Variants in RP1L1 observed in about 807,000 individuals in gnomAD.
RP1L1 encodes the protein retinitis pigmentosa 1-like 1 protein.
In RP1L1, 27 loss-of-function variants were observed where a neutral mutation model predicts 15.7. The ratio of observed to expected loss-of-function variants is 1.72; its 90% CI spans 1.27 to 2.38. The LOEUF (loss-of-function observed/expected upper bound fraction) is 2.38. RP1L1 is among the 30% of genes most tolerant of loss of function. The pLI is 0.00. For missense variants in RP1L1, 4,798 were observed against 3,075.9 expected, an observed-to-expected ratio of 1.56 and a Z score of -13.24; for synonymous variants, 1,813 against 1,276.7, an observed-to-expected ratio of 1.42 and a Z score of -8.96.
intron 1 of RP1L1, among the ~76,000 whole-genome samples, chr8:10,633,862 T>C (rs1798289625): frequency 6.6e-6 from 1 of 152,182 alleles, no homozygotes; most frequent in Non-Finnish European, 1.5e-5. Context: ...ATGCATGAAT[T>C]ATATCCCTTT....
In RP1L1 at chr8:10,612,025, C is replaced by G; in HGVS notation, c.2073G>C (p.Glu691Asp). Residue 691 changes from glutamate (E) to aspartate (D), a missense_variant, in exon 4 of 4, where the codon GAG (glutamate) becomes GAC (aspartate). Glu to Asp is a conservative substitution (Grantham distance 45). Transcript: ENST00000382483. ...SVTKQVPRPP[E>D]RRRACQDGSV... ...AGCCATCCTGGCAGGCCCTTCGCCG[C>G]TCAGGAGGCCTCGGCACTTGCTTGG... 1 of 1,613,904 alleles carries G rather than the reference C, an allele frequency of 6.2e-7. No individual in the cohort carries two copies. Among genetic ancestry groups the G allele is most frequent in the South Asian group, 1.1e-5 (1 of 91,086 alleles).
At chr8:10,649,248 A>G (rs1798524285) in intron 1 of RP1L1, among the ~76,000 whole-genome samples, 1 of 152,132 alleles carries the variant, frequency 6.6e-6, no homozygotes, top group Non-Finnish European at 1.5e-5. Context: ...CTCCTCATCC[A>G]CTTGCTGACC....
chr8:10,608,403 C>G lies in RP1L1; in HGVS notation c.5695G>C (p.Val1899Leu). 1 of 1,608,474 alleles carries G rather than the reference C, an allele frequency of 6.2e-7. No individual in the cohort carries two copies. Among genetic ancestry groups the G allele is most frequent in the South Asian group, 1.1e-5 (1 of 90,826 alleles). The change falls in exon 4 of 4, where the codon GTC (valine) becomes CTC (leucine). Residue 1899 changes from valine to leucine, a missense_variant. Transcript: ENST00000382483. ...TCTGCACCTTCTGACTCTGGCTGGA[C>G]CTCCCATTCTGCCTCTGGGGTCTCT... ...DVETPEAEWE[V>L]QPESEGAEAP...
rs370826846 is a variant in RP1L1, at chr8:10,623,129, G to A, written c.73C>T (p.Pro25Ser). 7.5e-6 allele frequency: 12 copies of A among 1,610,382 alleles called. No individual in the cohort carries two copies. Among genetic ancestry groups the A allele is most frequent in the Admixed American group, 5.0e-5 (3 of 59,842 alleles). The change falls in exon 2 of 4, where the codon CCC becomes TCC. Residue 25 changes from proline (P) to serine (S), a missense_variant. Physicochemically the swap from Pro to Ser is moderately conservative, Grantham distance 74. Transcript: ENST00000382483. ...GCTGGCGTGACCTTGGTGACCGAGG[G>A]GGTGCGAGCCACAGAGGGCAGGAAG... ...ECFLPSVART[P>S]SVTKVTPAKK...
intron 2 of RP1L1, among the ~76,000 whole-genome samples, chr8:10,622,084 G>A (rs1400153770): frequency 6.6e-6 from 1 of 152,096 alleles, no homozygotes; most frequent in Non-Finnish European, 1.5e-5. Context: ...CACTTTGGGA[G>A]GCCGAATCGG....
intron 1 of RP1L1, among the ~76,000 whole-genome samples, chr8:10,644,405 G>C (rs1798447539): frequency 6.6e-6 from 1 of 152,176 alleles, no homozygotes; most frequent in Non-Finnish European, 1.5e-5. Context: ...GACCTTCTGG[G>C]CTGGGCTGGT....
chr8:10,616,610 C>A, intron 2 of RP1L1, 23 bp from the exon 3 acceptor site: 1 of 1,603,248 alleles, frequency 6.2e-7, no homozygotes, highest in South Asian at 1.1e-5. Context: ...CGGGCGGGGT[C>A]AGGAGGCCTG....
At chr8:10,636,873 G>A (rs1213826716) in intron 1 of RP1L1, among the ~76,000 whole-genome samples, 2 of 152,192 alleles carry the variant, frequency 1.3e-5, no homozygotes, top group Non-Finnish European at 2.9e-5. Flanking sequence ...CAGGTCACCT[G>A]GATGGAACTG....
chr8:10,646,772 C>T (rs1019775139), intron 1 of RP1L1, among the ~76,000 whole-genome samples: 1 of 152,236 alleles, frequency 6.6e-6, no homozygotes, highest in African/African-American at 2.4e-5. Context: ...ACTGACTTAT[C>T]TGCTCCACGC....
In RP1L1 at chr8:10,612,403, C is replaced by T; in HGVS notation, c.1695G>A (p.Gln565=). 1 of 1,612,778 alleles carries T rather than the reference C, an allele frequency of 6.2e-7. No individual in the cohort carries two copies. Among genetic ancestry groups the T allele is most frequent in the Non-Finnish European group, 8.5e-7 (1 of 1,180,034 alleles). The change falls in exon 4 of 4, where the codon CAG becomes CAA. Residue 565 remains glutamine (Q), a synonymous_variant. Transcript: ENST00000382483. Reference sequence around the variant, plus strand: ...GGTCGCCTCCCTCGCTGGCCTCCTGCTGAGAGGTCTCGGCCCTTGCCTTGC... The same window carrying T: ...GGTCGCCTCCCTCGCTGGCCTCCTGTTGAGAGGTCTCGGCCCTTGCCTTGC... ...CPGKARAETS[Q]QEASEGGDPA... is the part of the protein sequence containing the mutation.
In RP1L1 at chr8:10,607,980, C is replaced by A. The variant is rs201774530; in HGVS notation, c.6118G>T (p.Glu2040Ter). 4.6e-5 allele frequency: 74 copies of A among 1,613,154 alleles called. 1 individual carries two copies. The highest frequency in any genetic ancestry group is 1.6e-4 in the Middle Eastern group (1 of 6,076). ...EGEEAQEVEG[E>*]TQKTEGDAQP... ...GCATCCCCTTCTGTCTTCTGGGTCT[C>A]CCCTTCAACCTCCTGGGCCTCTTCA... Residue 2040 changes from glutamate (E) to a stop codon, truncating the protein, a stop_gained, in exon 4 of 4, where the codon GAG (glutamate) becomes TAG (stop). Coordinates refer to ENST00000382483, the MANE Select transcript of RP1L1 (RefSeq NM_178857.6). LOFTEE classifies it low-confidence loss of function (END_TRUNC).
chr8:10,625,897 G>C (rs1457470122), intron 1 of RP1L1, among the ~76,000 whole-genome samples: 1 of 152,096 alleles, frequency 6.6e-6, no homozygotes, highest in Non-Finnish European at 1.5e-5. Flanking sequence ...GTGCAGGTGG[G>C]GGGCAGGCAG....
At position 10,634,853 on chromosome 8, in the gene RP1L1, C is replaced by T. The variant is rs974451718; in HGVS notation, c.-19-11633G>A. On this transcript the variant is annotated intron_variant, in intron 1 of 3. Transcript: ENST00000382483. ...CTGGTGTGAGTCTACCCAACCCCAA[C>T]TGGGACTCCCTCTCCTCAAGGGACA... Among the ~76,000 whole-genome samples, 5 of 152,198 alleles carry T rather than the reference C, an allele frequency of 3.3e-5. No individual in the cohort carries two copies. The East Asian group carries it at 9.7e-4, about 29-fold the overall frequency.
chr8:10,609,092 G>C lies in RP1L1; in HGVS notation c.5006C>G (p.Pro1669Arg), dbSNP rs1797772928. 2.5e-6 allele frequency: 4 copies of C among 1,613,698 alleles called. No individual in the cohort carries two copies. Among genetic ancestry groups the C allele is most frequent in the Middle Eastern group, 1.6e-4 (1 of 6,062 alleles). The change falls in exon 4 of 4, where the codon CCT becomes CGT. Residue 1669 changes from proline to arginine, a missense_variant. Physicochemically the swap from Pro to Arg is moderately radical, Grantham distance 103. Coordinates refer to ENST00000382483, the MANE Select transcript of RP1L1 (RefSeq NM_178857.6). ...CEACVRKKVS[P>R]MSPKATMGAT... ...CCCCATTGTGGCCTTGGGGGACATA[G>C]GGCTCACTTTCTTCCTCACGCAGGC...
intron 1 of RP1L1, among the ~76,000 whole-genome samples, chr8:10,653,534 C>A (rs369365280): frequency 4.8e-4 from 73 of 151,934 alleles, no homozygotes; most frequent in African/African-American, 1.7e-3. Context: ...TGCACACACA[C>A]GTCACATGCA....
Position 10,617,802 on chromosome 8 carries a change from G to A in RP1L1, c.610-1215C>T, listed in dbSNP as rs567818548. ...CGATCTCCTGACCTCGTGATCCGCC[G>A]GCCTCGGCCTCCCAAAGTGCTGGGA... On this transcript the variant is annotated intron_variant, in intron 2 of 3. Transcript: ENST00000382483. Among the ~76,000 whole-genome samples, 56 of 152,024 alleles carry A rather than the reference G, an allele frequency of 3.7e-4. 1 individual carries two copies. Among genetic ancestry groups the A allele is most frequent in the African/African-American group, 1.2e-3 (49 of 41,488 alleles).
At chr8:10,630,222 C>T (rs937674029) in intron 1 of RP1L1, among the ~76,000 whole-genome samples, 3 of 152,238 alleles carry the variant, frequency 2.0e-5, no homozygotes, top group Non-Finnish European at 2.9e-5. Context: ...TTGCCATCTT[C>T]AGTCCCTGAC....
Position 10,607,358 on chromosome 8 carries a change from C to T in RP1L1, c.6740G>A (p.Gly2247Asp), listed in dbSNP as rs1304532530. ...GACCTGAGGGCTCCCCTTTTTCTCA[C>T]CTTGAGTTTCTCCTTCTGACTCTGG... ...AQPESEGETQ[G>D]EKKGSPQVSL... The change falls in exon 4 of 4, where the codon GGT (glycine) becomes GAT (aspartate). Residue 2247 changes from glycine (G) to aspartate (D), a missense_variant. Transcript: ENST00000382483. 5 of 1,614,136 alleles carry T rather than the reference C, an allele frequency of 3.1e-6. No individual in the cohort carries two copies. In the Admixed American group the frequency reaches 5.0e-5, roughly 16 times the overall value.
At position 10,613,295 on chromosome 8, in the gene RP1L1, G is replaced by T. The variant is rs185982544; in HGVS notation, c.803C>A (p.Pro268Gln). The T allele has an allele frequency of 2.4e-4, 378 of 1,604,252 alleles. No homozygotes were observed. In the African/African-American group the frequency reaches 4.6e-3, roughly 19 times the overall value. ...KPSVIHSRSP[P>Q]GSTPRLPERP... Reference sequence around the variant, plus strand: ...TTCTGGCAGCCGTGGCGTGCTGCCTGGCGGAGACCGCGAATGGATCACACT... The same window carrying T: ...TTCTGGCAGCCGTGGCGTGCTGCCTTGCGGAGACCGCGAATGGATCACACT... The change falls in exon 4 of 4, where the codon CCA (proline) becomes CAA (glutamine). Residue 268 changes from proline to glutamine, a missense_variant. Coordinates refer to ENST00000382483, the MANE Select transcript of RP1L1 (RefSeq NM_178857.6).
Sources: gnomAD v4.1 joint callset for allele counts (sites outside exome capture counted in the v4.1 genomes callset) on GRCh38, gnomAD v4.1.1 for gene constraint, MANE v1.5 for transcripts, NCBI Gene and HGNC (gene_info 2026-07-23, HGNC 2026-07-21) for gene names.